The following RXYLT1 variants were observed in gnomAD, a reference collection of about 807,000 sequenced individuals.
RXYLT1 encodes the protein ribitol-5-phosphate xylosyltransferase 1.
A neutral mutation model predicts 43.5 loss-of-function variants in RXYLT1; 41 were observed. The ratio of observed to expected loss-of-function variants is 0.94; its 90% confidence interval spans 0.73 to 1.22. The LOEUF (loss-of-function observed/expected upper bound fraction) is 1.22, where lower values mean the gene tolerates loss of function less well. Ranked by LOEUF, RXYLT1 falls within the 50% of genes most tolerant of loss-of-function variation. The probability of loss-of-function intolerance (pLI) is 0.00; values close to 1 mark genes in which losing one functional copy is unlikely to be tolerated. For synonymous variants in RXYLT1, 166 were observed against 194.4 expected (o/e 0.85, Z 1.21); for missense variants, 514 against 532.0 (o/e 0.97, Z 0.33).
Position 63,780,055 on chromosome 12 carries a change from G to T in RXYLT1, c.95G>T (p.Arg32Leu). 1 of 1,604,262 alleles carries T rather than the reference G, an allele frequency of 6.2e-7. No individual in the cohort carries two copies. The change falls in exon 1 of 6, where the codon CGC (arginine) becomes CTC (leucine). Residue 32 changes from arginine (R) to leucine (L), a missense_variant. Arg to Leu is a moderately radical substitution (Grantham distance 102). Transcript: ENST00000261234. ...GCCTACCACGTCTTCTTCGGGCGCC[G>T]CCGCCAGGCGCCGGCCGGGTCCCCG... The part of the protein sequence containing the change: ...YAAYHVFFGR[R>L]RQAPAGSPRG...
At chr12:63,805,461 T>C in intron 5 of RXYLT1, 57 bp downstream of exon 5, 4 of 1,493,194 alleles carry the variant, frequency 2.7e-6, no homozygotes, top group Non-Finnish European at 3.6e-6. Flanking sequence ...AGAGTTGCTT[T>C]ATGTAGAAAC....
At position 63,780,045 on chromosome 12, in the gene RXYLT1, T is replaced by C. The variant is rs780393145; in HGVS notation, c.85T>C (p.Phe29Leu). The C allele has an allele frequency of 5.0e-6, 8 of 1,607,144 alleles. No homozygotes were observed. Among genetic ancestry groups the C allele is most frequent in the Non-Finnish European group, 5.9e-6 (7 of 1,178,034 alleles). The change falls in exon 1 of 6, where the codon TTC becomes CTC. Residue 29 changes from phenylalanine to leucine, a missense_variant. Physicochemically the swap from Phe to Leu is conservative, Grantham distance 22 (BLOSUM62 0). Coordinates refer to ENST00000261234, the MANE Select transcript of RXYLT1 (RefSeq NM_014254.3). ...CCTCTACGCTGCCTACCACGTCTTC[T>C]TCGGGCGCCGCCGCCAGGCGCCGGC... is the stretch of plus-strand genomic sequence containing the variant. ...FSLYAAYHVF[F>L]GRRRQAPAGS...
chr12:63,781,611 T>A (rs1897686086), intron 2 of RXYLT1, among the ~76,000 whole-genome samples: 1 of 152,204 alleles, frequency 6.6e-6, no homozygotes, highest in East Asian at 1.9e-4. Context: ...TCAAGAGCCT[T>A]TAATATGACA....
In RXYLT1 at chr12:63,808,999, G is replaced by A; in HGVS notation, c.1239G>A (p.Met413Ile). 1.2e-6 allele frequency: 2 copies of A among 1,611,476 alleles called. No homozygotes were observed. Among genetic ancestry groups the A allele is most frequent in the South Asian group, 2.2e-5 (2 of 90,610 alleles). Reference protein sequence around the residue: ...ILQEKIERRKMLLQWYQHFKT... With the variant: ...ILQEKIERRKILLQWYQHFKT... ...AAGAAAAAATTGAAAGAAGAAAAAT[G>A]TTACTTCAGTGGTATCAGCACTTCA... Residue 413 changes from methionine (M) to isoleucine (I), a missense_variant, in exon 6 of 6, where the codon ATG becomes ATA. Transcript: ENST00000261234.
chr12:63,786,849 C>CA (rs1295426177), intron 3 of RXYLT1, among the ~76,000 whole-genome samples: 1 of 152,214 alleles, frequency 6.6e-6, no homozygotes, highest in East Asian at 1.9e-4. Flanking sequence ...TGCAGTGGCT[C>CA]ATGCCTGTAA....
intron 3 of RXYLT1, among the ~76,000 whole-genome samples, chr12:63,796,793 A>G (rs1244365282): frequency 6.6e-6 from 1 of 152,088 alleles, no homozygotes; most frequent in Admixed American, 6.5e-5. Flanking sequence ...ATAAAAATTT[A>G]AAAATAAAGA....
chr12:63,806,196 A>G (rs1379644252), intron 5 of RXYLT1: 2 of 152,244 alleles, frequency 1.3e-5, no homozygotes, highest in East Asian at 3.8e-4. Context: ...CAATTGCTCT[A>G]TGCCAGAAAC....
chr12:63,805,276 G>A lies in RXYLT1; in HGVS notation c.786G>A (p.Leu262=), dbSNP rs1420184732. ...TGGTGGAGGCAAGTTGGTCAATGCT[G>A]CATGATGAGAGGCCATATTTATGTA... ...FPVVEASWSM[L]HDERPYLCNF... is the part of the protein sequence containing the mutation. Residue 262 remains leucine (L), a synonymous_variant, in exon 5 of 6, where the codon CTG becomes CTA. Transcript: ENST00000261234. 1 of 1,613,254 alleles carries A rather than the reference G, an allele frequency of 6.2e-7. No individual in the cohort carries two copies. The highest frequency in any genetic ancestry group is 1.7e-5 in the Admixed American group (1 of 59,882).
chr12:63,803,245 CAT>C (rs568499947), intron 4 of RXYLT1, among the ~76,000 whole-genome samples: 201 of 75,196 alleles, frequency 2.7e-3, no homozygotes, highest in African/African-American at 9.5e-3. Flanking sequence ...AAATGGAAAA[CAT>C]ATATTTTTAT....
intron 5 of RXYLT1, 113 bp downstream of exon 5, chr12:63,805,517 TC>T: frequency 2.0e-6 from 2 of 1,022,692 alleles, no homozygotes; most frequent in Non-Finnish European, 2.8e-6. Flanking sequence ...TACCAATCTT[TC>T]CCCAGAAGAT....
chr12:63,780,199 G>A (rs1897644855), intron 1 of RXYLT1, 70 bp downstream of exon 1: 1 of 1,394,996 alleles, frequency 7.2e-7, no homozygotes, highest in Admixed American at 3.7e-5. Flanking sequence ...GCTGGGGCCG[G>A]GTCCCCGCAC....
chr12:63,808,187 T>C (rs1210012653), intron 5 of RXYLT1: 2 of 157,956 alleles, frequency 1.3e-5, no homozygotes, highest in Non-Finnish European at 2.8e-5. Flanking sequence ...AACTCTGTGC[T>C]CAGATGCTGC....
intron 3 of RXYLT1, among the ~76,000 whole-genome samples, chr12:63,792,860 C>T (rs1318423830): frequency 6.6e-6 from 1 of 152,194 alleles, no homozygotes; most frequent in Non-Finnish European, 1.5e-5. Flanking sequence ...CTACAAGTCA[C>T]CTCCAATATT....
Position 63,802,300 on chromosome 12 carries a change from C to T in RXYLT1, c.638C>T (p.Pro213Leu), listed in dbSNP as rs1898180052. 3 of 1,613,608 alleles carry T rather than the reference C, an allele frequency of 1.9e-6. No homozygotes were observed. In the African/African-American group the frequency reaches 4.0e-5, roughly 22 times the overall value. Residue 213 changes from proline to leucine, a missense_variant, in exon 4 of 6, where the codon CCA (proline) becomes CTA (leucine). Pro to Leu is a moderately conservative substitution (Grantham distance 98, BLOSUM62 -3). Coordinates refer to ENST00000261234, the MANE Select transcript of RXYLT1 (RefSeq NM_014254.3). ...NEHCDNEWIN[P>L]FLKRNGGFVE... is the part of the protein sequence containing the mutation. Reference sequence around the variant, plus strand: ...CATTGTGATAATGAGTGGATAAACCCATTCCTCAAAAGAAATGGAGGCTTC... The same window carrying T: ...CATTGTGATAATGAGTGGATAAACCTATTCCTCAAAAGAAATGGAGGCTTC...
At chr12:63,780,968 C>A in intron 1 of RXYLT1, 51 bp from the exon 2 acceptor site, 2 of 1,381,346 alleles carry the variant, frequency 1.4e-6, no homozygotes, top group Admixed American at 2.8e-5. Context: ...TTGAATTTAC[C>A]TACAACTGCA....
intron 3 of RXYLT1, among the ~76,000 whole-genome samples, chr12:63,787,819 G>T (rs1481982530): frequency 1.3e-5 from 2 of 152,142 alleles, no homozygotes; most frequent in Non-Finnish European, 2.9e-5. Flanking sequence ...TGGAGATGGG[G>T]TTTCACCATG....
At chr12:63,785,095 A>G (rs764019987) in intron 3 of RXYLT1, 23 bp downstream of exon 3, 5 of 1,543,042 alleles carry the variant, frequency 3.2e-6, no homozygotes, top group Non-Finnish European at 4.4e-6. Flanking sequence ...TTAGTTGTGC[A>G]ACATTAACCT....
In RXYLT1 at chr12:63,805,237, C is replaced by G. The variant is rs1898259991; in HGVS notation, c.747C>G (p.Tyr249Ter). The G allele has an allele frequency of 6.3e-7, 1 of 1,590,366 alleles. No individual in the cohort carries two copies. The highest frequency in any genetic ancestry group is 8.5e-7 in the Non-Finnish European group (1 of 1,172,432). The change falls in exon 5 of 6, where the codon TAC (tyrosine) becomes TAG (stop). Residue 249 changes from tyrosine to a stop codon, truncating the protein, a stop_gained. Transcript: ENST00000261234. LOFTEE classifies it high-confidence loss of function. ...TCATGTGTATTTATTTTTATAGATA[C>G]AGGAATTTTCCTGTGGTGGAGGCAA... ...VFQWPLGVAT[Y>*]RNFPVVEASW...
Position 63,783,745 on chromosome 12 carries a change from A to G in RXYLT1, c.326-1225A>G, listed in dbSNP as rs190388873. 2.1e-3 allele frequency among the ~76,000 whole-genome samples: 315 copies of G among 152,288 alleles called. 2 individuals are homozygous for G. Among genetic ancestry groups the G allele is most frequent in the Non-Finnish European group, 3.2e-3 (216 of 68,026 alleles). On this transcript the variant is annotated intron_variant, in intron 2 of 5. Transcript: ENST00000261234. ...CAGTAGCACCTCATTTCCAGGTACCATAATCTTAACTGTATAATCCATAGC... is the reference window on the plus strand; with the variant it reads ...CAGTAGCACCTCATTTCCAGGTACCGTAATCTTAACTGTATAATCCATAGC...
Sources: allele counts gnomAD v4.1 joint callset (sites outside exome capture counted in the v4.1 genomes callset), GRCh38; gene constraint gnomAD v4.1.1; transcripts MANE v1.5; gene names NCBI Gene and HGNC (gene_info 2026-07-23, HGNC 2026-07-21).